ZNF385B: variants seen among roughly 807,000 people sequenced by gnomAD.
The protein encoded by ZNF385B is zinc finger protein 385B, also known as zinc finger protein 533.
ZNF385B carries 23 observed loss-of-function variants against 39.2 expected under a neutral mutation model. The observed-to-expected ratio is 0.59, with a 90% CI of 0.42 to 0.83. The LOEUF (loss-of-function observed/expected upper bound fraction) is 0.83. ZNF385B is among the 40% of genes least tolerant of loss of function. The pLI, the probability that ZNF385B is intolerant of heterozygous loss-of-function variation, is 0.00. For synonymous variants in ZNF385B, 205 were observed against 222.6 expected (o/e 0.92, Z 0.70); for missense variants, 552 against 598.9 (o/e 0.92, Z 0.82).
At chr2:179,694,082 A>G (rs1333518805) in intron 3 of ZNF385B, among the ~76,000 whole-genome samples, 3 of 152,240 alleles carry the variant, frequency 2.0e-5, no homozygotes, top group Admixed American at 6.5e-5. Context: ...ACTATATGTT[A>G]GAAATGGGGA....
chr2:179,710,119 T>A (rs1489759769), intron 3 of ZNF385B, among the ~76,000 whole-genome samples: 1 of 152,082 alleles, frequency 6.6e-6, no homozygotes, highest in Non-Finnish European at 1.5e-5. Context: ...GGAGAAGATG[T>A]GTTCTCTGGC....
rs537921048 is a variant in ZNF385B at position 179,560,036 on chromosome 2, C to A, written c.299-15067G>T. The stretch of plus-strand genomic sequence containing the variant: ...AGATCATGCAGTATTTTTTTTCTGG[C>A]TTATTTCATTTAACGTAATGTCTTC... On this transcript the variant is annotated intron_variant, in intron 3 of 9. Coordinates refer to ENST00000410066, the MANE Select transcript of ZNF385B (RefSeq NM_152520.6). Among the ~76,000 whole-genome samples, 3 of 152,052 alleles carry A rather than the reference C, an allele frequency of 2.0e-5. No individual in the cohort carries two copies. The South Asian group carries it at 6.2e-4, about 32-fold the overall frequency.
intron 6 of ZNF385B, among the ~76,000 whole-genome samples, chr2:179,479,045 T>G (rs559144330): frequency 6.6e-6 from 1 of 152,286 alleles, no homozygotes; most frequent in East Asian, 1.9e-4. Context: ...TTTTCCTCCC[T>G]CCCATTATGT....
At chr2:179,559,977 T>C (rs772382792) in intron 3 of ZNF385B, among the ~76,000 whole-genome samples, 2 of 152,190 alleles carry the variant, frequency 1.3e-5, no homozygotes, top group East Asian at 1.9e-4. Context: ...TGTTTCTATA[T>C]ATTTGACATT....
chr2:179,520,502 T>C (rs2058409261), intron 4 of ZNF385B, among the ~76,000 whole-genome samples: 1 of 152,148 alleles, frequency 6.6e-6, no homozygotes, highest in Non-Finnish European at 1.5e-5. Flanking sequence ...AATTCCTAGT[T>C]CACTTTCTTA....
intron 1 of ZNF385B, among the ~76,000 whole-genome samples, chr2:179,860,516 C>A (rs1302768357): frequency 6.6e-6 from 1 of 152,102 alleles, no homozygotes; most frequent in Non-Finnish European, 1.5e-5. Context: ...CCTTCACCAG[C>A]GCTTAGTGGC....
intron 1 of ZNF385B, among the ~76,000 whole-genome samples, chr2:179,791,691 G>A (rs1415763752): frequency 6.6e-6 from 1 of 152,144 alleles, no homozygotes; most frequent in Non-Finnish European, 1.5e-5. Context: ...GAAACAAAAA[G>A]AAAAATAATA....
At chr2:179,646,666 T>C (rs1692748956) in intron 3 of ZNF385B, among the ~76,000 whole-genome samples, 1 of 152,174 alleles carries the variant, frequency 6.6e-6, no homozygotes, top group African/African-American at 2.4e-5. Flanking sequence ...TTTGGTGTAA[T>C]GAAAGACACT....
chr2:179,553,365 AG>A (rs1212081455), intron 3 of ZNF385B, among the ~76,000 whole-genome samples: 1 of 149,140 alleles, frequency 6.7e-6, no homozygotes, highest in Non-Finnish European at 1.5e-5. Context: ...AACAAGGCAC[AG>A]TGCTAGCAAT....
chr2:179,800,441 CT>C (rs1705955942), intron 1 of ZNF385B, among the ~76,000 whole-genome samples: 3 of 151,960 alleles, frequency 2.0e-5, no homozygotes, highest in African/African-American at 7.2e-5. Flanking sequence ...GAAATCAAAG[CT>C]GAGGAAATTT....
Position 179,467,909 on chromosome 2 carries a change from A to G in ZNF385B, c.715+15363T>C, listed in dbSNP as rs553974957. ...AAAAGTCTAAAACCAGCCCTGCATC[A>G]TACTCACATCTTCTGGTAATTCTCT... is the stretch of plus-strand genomic sequence containing the variant. On this transcript the variant is annotated intron_variant, in intron 6 of 9. Transcript: ENST00000410066. Among the ~76,000 whole-genome samples, 12 of 152,294 alleles carry G rather than the reference A, an allele frequency of 7.9e-5. No homozygotes were observed. The East Asian group carries it at 1.3e-3, about 17-fold the overall frequency.
At chr2:179,803,901 C>T (rs760053975) in intron 1 of ZNF385B, among the ~76,000 whole-genome samples, 20 of 152,172 alleles carry the variant, frequency 1.3e-4, no homozygotes, top group Non-Finnish European at 1.9e-4. Context: ...GATTATAATC[C>T]TGTATCTGGA....
intron 3 of ZNF385B, among the ~76,000 whole-genome samples, chr2:179,768,355 T>A: frequency 6.6e-6 from 1 of 152,208 alleles, no homozygotes; most frequent in East Asian, 1.9e-4. Context: ...CTATTATAAG[T>A]GTGTACCTTA....
At position 179,543,204 on chromosome 2, in the gene ZNF385B, G is replaced by A. The variant is rs143416581; in HGVS notation, c.441+1623C>T. 5.6e-4 allele frequency among the ~76,000 whole-genome samples: 85 copies of A among 152,252 alleles called. 1 individual carries two copies. The highest frequency in any genetic ancestry group is 2.0e-3 in the African/African-American group (83 of 41,538). On this transcript the variant is annotated intron_variant, in intron 4 of 9. Coordinates refer to ENST00000410066, the MANE Select transcript of ZNF385B (RefSeq NM_152520.6). ...CAAGAATCACTTGAACCTGGAAGGT[G>A]GAGGCTGCAGTGAGCCAAGATCGTG...
intron 3 of ZNF385B, among the ~76,000 whole-genome samples, chr2:179,720,978 A>C (rs1700662025): frequency 8.3e-6 from 1 of 120,096 alleles, no homozygotes; most frequent in Admixed American, 1.1e-4. Context: ...TATGTTGCCC[A>C]AGCTTATCTC....
chr2:179,508,790 G>C (rs2057441776), intron 5 of ZNF385B, among the ~76,000 whole-genome samples: 1 of 152,034 alleles, frequency 6.6e-6, no homozygotes, highest in African/African-American at 2.4e-5. Flanking sequence ...CACCAACTTT[G>C]AATATCATTG....
intron 3 of ZNF385B, among the ~76,000 whole-genome samples, chr2:179,673,095 AT>A (rs1696261388): frequency 6.6e-6 from 1 of 152,096 alleles, no homozygotes; most frequent in East Asian, 1.9e-4. Context: ...CTTTCTGAGA[AT>A]TTATAACCAT....
At chr2:179,817,603 G>A (rs890081118) in intron 1 of ZNF385B, among the ~76,000 whole-genome samples, 6 of 152,096 alleles carry the variant, frequency 3.9e-5, no homozygotes, top group South Asian at 2.1e-4. Context: ...ACAAAACACC[G>A]GGGAAGAAAG....
chr2:179,596,875 TA>T (rs1362417056), intron 3 of ZNF385B, among the ~76,000 whole-genome samples: 4 of 152,214 alleles, frequency 2.6e-5, no homozygotes, highest in Admixed American at 6.5e-5. Context: ...AGTAAAAGAG[TA>T]AAACTCTGAG....
Sources: allele counts gnomAD v4.1 joint callset (sites outside exome capture counted in the v4.1 genomes callset), GRCh38; gene constraint gnomAD v4.1.1; transcripts MANE v1.5; gene names NCBI Gene and HGNC (gene_info 2026-07-23, HGNC 2026-07-21).